PRTFDC1: variants seen among roughly 807,000 people sequenced by gnomAD.
PRTFDC1 encodes the protein phosphoribosyltransferase domain-containing protein 1.
PRTFDC1 carries 38 observed loss-of-function variants against 34.6 expected under a neutral mutation model. The ratio of observed to expected loss-of-function variants is 1.10; its 90% CI spans 0.85 to 1.44. The LOEUF (loss-of-function observed/expected upper bound fraction) is 1.44. Among genes scored for constraint, PRTFDC1 ranks in the 40% most tolerant of loss-of-function variants. The probability of loss-of-function intolerance (pLI) is 0.00; values close to 1 mark genes in which losing one functional copy is unlikely to be tolerated. For missense variants in PRTFDC1, 270 were observed against 283.0 expected (o/e 0.95, Z 0.33); for synonymous variants, 93 against 98.1 (o/e 0.95, Z 0.31).
chr10:24,933,860 A>G (rs1301402776), intron 3 of PRTFDC1, among the ~76,000 whole-genome samples: 1 of 151,898 alleles, frequency 6.6e-6, no homozygotes, highest in Admixed American at 6.6e-5. Flanking sequence ...TGCCTGGCTA[A>G]TTTTTGTATT....
At chr10:24,933,230 G>C (rs541910653) in intron 3 of PRTFDC1, among the ~76,000 whole-genome samples, 1 of 151,308 alleles carries the variant, frequency 6.6e-6, no homozygotes, top group African/African-American at 2.4e-5. Flanking sequence ...TACACCAAAA[G>C]CATGATCCAC....
At chr10:24,856,871 T>G in intron 6 of PRTFDC1, 42 bp downstream of exon 6, 1 of 1,531,082 alleles carries the variant, frequency 6.5e-7, no homozygotes, top group South Asian at 1.1e-5. Context: ...TTGGGCTTGC[T>G]TGGAAAACTA....
intron 3 of PRTFDC1, among the ~76,000 whole-genome samples, chr10:24,875,003 G>T (rs1240368179): frequency 6.6e-6 from 1 of 152,084 alleles, no homozygotes; most frequent in Non-Finnish European, 1.5e-5. Context: ...GTGAAGAAGG[G>T]CATGTTTGTT....
intron 3 of PRTFDC1, among the ~76,000 whole-genome samples, chr10:24,918,306 A>C (rs1208590048): frequency 6.6e-6 from 1 of 151,944 alleles, no homozygotes; most frequent in Non-Finnish European, 1.5e-5. Flanking sequence ...CCAGTTTGTC[A>C]TATGAGGTCA....
At chr10:24,914,489 T>G (rs1848667035) in intron 3 of PRTFDC1, among the ~76,000 whole-genome samples, 1 of 152,200 alleles carries the variant, frequency 6.6e-6, no homozygotes, top group South Asian at 2.1e-4. Context: ...GGCCATTTTG[T>G]GCCTCACAAA....
At chr10:24,881,889 A>C (rs1848084607) in intron 3 of PRTFDC1, among the ~76,000 whole-genome samples, 1 of 151,902 alleles carries the variant, frequency 6.6e-6, no homozygotes, top group Non-Finnish European at 1.5e-5. Flanking sequence ...TCTCTCTTCG[A>C]GTGGATAATT....
intron 3 of PRTFDC1, among the ~76,000 whole-genome samples, chr10:24,875,232 A>G (rs1296326028): frequency 1.3e-5 from 2 of 152,226 alleles, no homozygotes; most frequent in Non-Finnish European, 2.9e-5. Context: ...AGCATATCCA[A>G]CACTTCAGAT....
In PRTFDC1 at chr10:24,902,849, C is replaced by A. The variant is rs540598296; in HGVS notation, c.340-30786G>T. ...AAATATCTGCTGATTTTAAGAAGGTCGTGAAAGACTGAGTTAGATTATTTG... is the reference window on the plus strand; with the variant it reads ...AAATATCTGCTGATTTTAAGAAGGTAGTGAAAGACTGAGTTAGATTATTTG... On this transcript the variant is annotated intron_variant, in intron 3 of 8. Coordinates refer to ENST00000320152, the MANE Select transcript of PRTFDC1 (RefSeq NM_020200.7). Among the ~76,000 whole-genome samples, 38 of 152,230 alleles carry A rather than the reference C, an allele frequency of 2.5e-4. No individual in the cohort carries two copies. In the Middle Eastern group the frequency reaches 0.01, roughly 41 times the overall value.
At chr10:24,866,186 C>A (rs1481065282) in intron 4 of PRTFDC1, among the ~76,000 whole-genome samples, 1 of 151,774 alleles carries the variant, frequency 6.6e-6, no homozygotes, top group Non-Finnish European at 1.5e-5. Flanking sequence ...CTTGGTGAAA[C>A]CCCATCTCTT....
At chr10:24,882,155 C>T (rs538750384) in intron 3 of PRTFDC1, among the ~76,000 whole-genome samples, 9 of 141,056 alleles carry the variant, frequency 6.4e-5, no homozygotes, top group South Asian at 4.4e-4. Flanking sequence ...TGCAGTGAGT[C>T]GAGATCTTGC....
intron 3 of PRTFDC1, among the ~76,000 whole-genome samples, chr10:24,887,159 A>G (rs1177167489): frequency 1.3e-5 from 2 of 148,998 alleles, no homozygotes; most frequent in East Asian, 4.0e-4. Flanking sequence ...TTTAGTAGAG[A>G]CGGGGTTTCA....
chr10:24,937,754 T>G (rs1197186739), intron 2 of PRTFDC1, among the ~76,000 whole-genome samples: 1 of 151,668 alleles, frequency 6.6e-6, no homozygotes, highest in Non-Finnish European at 1.5e-5. Flanking sequence ...GACGAGGTTT[T>G]GCCATGTTGG....
intron 2 of PRTFDC1, among the ~76,000 whole-genome samples, chr10:24,941,246 G>T (rs917445799): frequency 3.1e-5 from 4 of 129,322 alleles, no homozygotes; most frequent in Non-Finnish European, 6.9e-5. Context: ...TGTAGAGACG[G>T]GTTCTCACTA....
At chr10:24,876,551 A>G (rs1419808665) in intron 3 of PRTFDC1, among the ~76,000 whole-genome samples, 2 of 151,990 alleles carry the variant, frequency 1.3e-5, no homozygotes, top group African/African-American at 4.8e-5. Context: ...AAAATTAGCC[A>G]GGTATGTTGG....
intron 7 of PRTFDC1, among the ~76,000 whole-genome samples, chr10:24,852,334 G>A (rs917054283): frequency 1.4e-4 from 22 of 152,108 alleles, no homozygotes; most frequent in African/African-American, 5.3e-4. Flanking sequence ...TGTAGTTTTA[G>A]TAGAGATGGG....
chr10:24,911,798 C>T (rs1213759433), intron 3 of PRTFDC1, among the ~76,000 whole-genome samples: 3 of 151,864 alleles, frequency 2.0e-5, no homozygotes, highest in South Asian at 2.1e-4. Context: ...ACCCAGGAGG[C>T]GGAGTTTGCA....
At chr10:24,889,702 AAGTC>A (rs1848229280) in intron 3 of PRTFDC1, among the ~76,000 whole-genome samples, 1 of 152,212 alleles carries the variant, frequency 6.6e-6, no homozygotes. Flanking sequence ...CTGTGGAAGA[AAGTC>A]AGAGAGCAGA....
chr10:24,877,699 C>A (rs998898387), intron 3 of PRTFDC1, among the ~76,000 whole-genome samples: 6 of 152,128 alleles, frequency 3.9e-5, no homozygotes, highest in Admixed American at 6.5e-5. Context: ...CAGCTCACTG[C>A]AACCTCCACC....
chr10:24,881,031 A>T (rs575512849), intron 3 of PRTFDC1, among the ~76,000 whole-genome samples: 6 of 80,316 alleles, frequency 7.5e-5, no homozygotes, highest in Admixed American at 3.3e-4. Flanking sequence ...CTCTCTCTCT[A>T]TCTCTTTCTT....
Sources: gnomAD v4.1 joint callset for allele counts (sites outside exome capture counted in the v4.1 genomes callset) on GRCh38, gnomAD v4.1.1 for gene constraint, MANE v1.5 for transcripts, NCBI Gene and HGNC (gene_info 2026-07-23, HGNC 2026-07-21) for gene names.